Variants in TRPC4 observed in about 807,000 individuals in gnomAD.
TRPC4 encodes short transient receptor potential channel 4.
A neutral mutation model predicts 99.4 loss-of-function variants in TRPC4; 49 were observed. The ratio of observed to expected loss-of-function variants is 0.49; its 90% CI spans 0.39 to 0.63. The LOEUF is 0.63. Ranked by LOEUF, TRPC4 falls within the 20% of genes least tolerant of loss-of-function variation. The pLI is 0.00. For missense variants in TRPC4, 898 were observed against 1,152.9 expected (o/e 0.78, Z 3.20); for synonymous variants, 454 against 425.9 (o/e 1.07, Z -0.81).
intron 3 of TRPC4, among the ~76,000 whole-genome samples, chr13:37,702,475 A>G (rs1407048955): frequency 6.6e-6 from 1 of 152,196 alleles, no homozygotes; most frequent in Non-Finnish European, 1.5e-5. Context: ...TAATTTTAAA[A>G]ACCAGATAAC....
rs1324321766 is a variant in TRPC4 at position 37,635,889 on chromosome 13, T to C, written c.*1014A>G. 6.6e-6 allele frequency among the ~76,000 whole-genome samples: 1 copy of C among 152,114 alleles called. No homozygotes were observed. Among genetic ancestry groups the C allele is most frequent in the Non-Finnish European group, 1.5e-5 (1 of 68,004 alleles). ...TTTGAGTGATTTAATTTTAAAGAAATATATAAAGATTACTGGTGAAAAGAG... is the reference window on the plus strand; with the variant it reads ...TTTGAGTGATTTAATTTTAAAGAAACATATAAAGATTACTGGTGAAAAGAG... On this transcript the variant is annotated 3_prime_UTR_variant, in exon 11 of 11. Transcript: ENST00000379705.
intron 3 of TRPC4, among the ~76,000 whole-genome samples, chr13:37,701,238 G>A (rs1443742609): frequency 6.6e-6 from 1 of 152,092 alleles, no homozygotes; most frequent in East Asian, 1.9e-4. Flanking sequence ...AAAGAGTAAA[G>A]TATCTGTTGA....
At chr13:37,832,220 A>G (rs1290582131) in intron 1 of TRPC4, among the ~76,000 whole-genome samples, 1 of 152,168 alleles carries the variant, frequency 6.6e-6, no homozygotes, top group Non-Finnish European at 1.5e-5. Flanking sequence ...GTTGTTTTTA[A>G]GCCAACAAAT....
In TRPC4 at chr13:37,648,035, C is replaced by G. The variant is rs1046877365; in HGVS notation, c.2079+3230G>C. Among the ~76,000 whole-genome samples the G allele has an allele frequency of 2.6e-5, 4 of 152,178 alleles. No homozygotes were observed. The East Asian group carries it at 7.8e-4, about 29-fold the overall frequency. On this transcript the variant is annotated intron_variant, in intron 8 of 10. Transcript: ENST00000379705. ...TCGGCTCACTGCAACCTCTGCCTCC[C>G]GGGTTCAAGCGATTCTTCTTCCTCA...
intron 1 of TRPC4, among the ~76,000 whole-genome samples, chr13:37,841,394 G>A (rs913303833): frequency 6.6e-6 from 1 of 151,626 alleles, no homozygotes; most frequent in Non-Finnish European, 1.5e-5. Context: ...TAAAAGTGGT[G>A]TAAAAGAACA....
chr13:37,643,228 G>A (rs1398453134), intron 8 of TRPC4, among the ~76,000 whole-genome samples: 3 of 152,106 alleles, frequency 2.0e-5, no homozygotes, highest in Non-Finnish European at 4.4e-5. Context: ...CTCTTAACTT[G>A]TAGGGCTAAT....
intron 3 of TRPC4, among the ~76,000 whole-genome samples, chr13:37,696,378 AAAGT>A (rs2138905270): frequency 6.6e-6 from 1 of 152,370 alleles, no homozygotes; most frequent in African/African-American, 2.4e-5. Context: ...GTACATGGAC[AAAGT>A]AAGCAGAAAA....
At chr13:37,737,622 T>C (rs1201668372) in intron 3 of TRPC4, among the ~76,000 whole-genome samples, 5 of 151,996 alleles carry the variant, frequency 3.3e-5, no homozygotes, top group Admixed American at 3.3e-4. Context: ...TACAGGCACA[T>C]GCCACCATGC....
At chr13:37,780,407 G>A (rs1244436585) in intron 2 of TRPC4, among the ~76,000 whole-genome samples, 1 of 151,486 alleles carries the variant, frequency 6.6e-6, no homozygotes, top group Non-Finnish European at 1.5e-5. Flanking sequence ...TTTATCATTT[G>A]GCCTCAATGA....
intron 10 of TRPC4, 84 bp downstream of exon 10, chr13:37,638,956 T>C: frequency 1.4e-6 from 2 of 1,400,136 alleles, no homozygotes; most frequent in Admixed American, 1.7e-5. Flanking sequence ...CACAGCTGCA[T>C]TTCCAGCTCT....
rs555515300 is a variant in TRPC4 at position 37,700,799 on chromosome 13, T to C, written c.898-8464A>G. Among the ~76,000 whole-genome samples the C allele has an allele frequency of 2.0e-5, 3 of 152,266 alleles. No homozygotes were observed. The South Asian group carries it at 6.2e-4, about 32-fold the overall frequency. On this transcript the variant is annotated intron_variant, in intron 3 of 10. Transcript: ENST00000379705. ...TTATATTTGTTTCAAATGTGTTAGG[T>C]CCTATAAGCAGAATTTTTAAACTGT... is the stretch of plus-strand genomic sequence containing the variant.
intron 1 of TRPC4, among the ~76,000 whole-genome samples, chr13:37,863,294 G>GTTA (rs1959510461): frequency 2.0e-5 from 3 of 151,240 alleles, no homozygotes; most frequent in African/African-American, 7.3e-5. Context: ...CATTTTATAG[G>GTTA]GACACTGACA....
chr13:37,754,953 G>A (rs2139209588), intron 2 of TRPC4, among the ~76,000 whole-genome samples: 1 of 152,152 alleles, frequency 6.6e-6, no homozygotes, highest in East Asian at 1.9e-4. Context: ...AGAGCCTGAT[G>A]TTTTACCCAA....
chr13:37,647,428 A>G (rs1951886239), intron 8 of TRPC4, among the ~76,000 whole-genome samples: 1 of 152,212 alleles, frequency 6.6e-6, no homozygotes, highest in Non-Finnish European at 1.5e-5. Flanking sequence ...TCTAAGAGGC[A>G]GCTGAAAACA....
At chr13:37,792,927 T>A (rs1200368223) in intron 1 of TRPC4, among the ~76,000 whole-genome samples, 1 of 151,942 alleles carries the variant, frequency 6.6e-6, no homozygotes, top group Non-Finnish European at 1.5e-5. Context: ...ATTGCCGTTG[T>A]TTTTGCTGTT....
chr13:37,853,121 G>A (rs1959100375), intron 1 of TRPC4, among the ~76,000 whole-genome samples: 1 of 152,100 alleles, frequency 6.6e-6, no homozygotes, highest in African/African-American at 2.4e-5. Flanking sequence ...TGGTAGCCAG[G>A]TGGCAGTTAC....
At chr13:37,764,238 A>T (rs1956297326) in intron 2 of TRPC4, among the ~76,000 whole-genome samples, 1 of 151,580 alleles carries the variant, frequency 6.6e-6, no homozygotes, top group Non-Finnish European at 1.5e-5. Flanking sequence ...ACTCCCACAC[A>T]ATGTTCAGTT....
At chr13:37,785,240 C>T (rs886820550) in intron 1 of TRPC4, among the ~76,000 whole-genome samples, 39 of 151,976 alleles carry the variant, frequency 2.6e-4, no homozygotes, top group African/African-American at 9.4e-4. Context: ...ATCAGTGATG[C>T]CAATTCAATG....
rs115103591 is a variant in TRPC4, at chr13:37,674,206, C to T, written c.1374+22G>A. 491 of 1,553,072 alleles carry T rather than the reference C, an allele frequency of 3.2e-4. 3 individuals are homozygous for T. In the African/African-American group the frequency reaches 6.2e-3, roughly 20 times the overall value. On this transcript the variant is annotated intron_variant, in intron 5 of 10. Coordinates refer to ENST00000379705, the MANE Select transcript of TRPC4 (RefSeq NM_016179.4). ...TTAATAATCAGAACATATGCTTTAC[C>T]AACAACATAAATAATAGTTACCTTT...
Sources: gnomAD v4.1 joint callset for allele counts (sites outside exome capture counted in the v4.1 genomes callset) on GRCh38, gnomAD v4.1.1 for gene constraint, MANE v1.5 for transcripts, NCBI Gene and HGNC (gene_info 2026-07-23, HGNC 2026-07-21) for gene names.